Variants in ZNF804A observed in about 807,000 individuals in gnomAD.
ZNF804A encodes zinc finger protein 804A.
In ZNF804A, 2 loss-of-function variants were observed where a neutral mutation model predicts 16.5. The observed-to-expected ratio is 0.12, with a 90% CI of 0.05 to 0.38. The LOEUF is 0.38. ZNF804A is among the 10% of genes least tolerant of loss of function. ZNF804A has a pLI of 0.99. For synonymous variants in ZNF804A, 534 were observed against 489.6 expected, an observed-to-expected ratio of 1.09 and a Z score of -1.20; for missense variants, 1,473 against 1,390.7, an observed-to-expected ratio of 1.06 and a Z score of -0.94.
chr2:184,780,329 C>T (rs977880666), intron 1 of ZNF804A, among the ~76,000 whole-genome samples: 1 of 151,718 alleles, frequency 6.6e-6, no homozygotes, highest in African/African-American at 2.4e-5. Context: ...GGGTTTAATT[C>T]TTAGTGAAAC....
intron 1 of ZNF804A, among the ~76,000 whole-genome samples, chr2:184,689,913 G>A (rs1692703114): frequency 6.6e-6 from 1 of 151,900 alleles, no homozygotes; most frequent in Non-Finnish European, 1.5e-5. Flanking sequence ...CAGGCAGTTA[G>A]CCATTAGATG....
chr2:184,767,108 C>T (rs950111558), intron 1 of ZNF804A, among the ~76,000 whole-genome samples: 4 of 152,092 alleles, frequency 2.6e-5, no homozygotes, highest in Non-Finnish European at 5.9e-5. Context: ...CTTGGATTTC[C>T]GGCCTCCAAG....
intron 1 of ZNF804A, among the ~76,000 whole-genome samples, chr2:184,737,218 G>C (rs116702303): frequency 6.6e-6 from 1 of 151,388 alleles, no homozygotes; most frequent in Non-Finnish European, 1.5e-5. Context: ...CACCATGCCC[G>C]GTTAATTTTT....
intron 1 of ZNF804A, among the ~76,000 whole-genome samples, chr2:184,625,160 A>G (rs1406922827): frequency 1.3e-5 from 2 of 152,158 alleles, no homozygotes; most frequent in African/African-American, 4.8e-5. Flanking sequence ...GAGGACAAAA[A>G]TAATAATAAA....
At chr2:184,807,777 A>G (rs907702087) in intron 1 of ZNF804A, among the ~76,000 whole-genome samples, 3 of 151,726 alleles carry the variant, frequency 2.0e-5, no homozygotes, top group African/African-American at 4.8e-5. Context: ...TAAGTTTCCA[A>G]TACAGCAGTA....
chr2:184,733,748 T>C (rs139345980), intron 1 of ZNF804A, among the ~76,000 whole-genome samples: 1 of 152,294 alleles, frequency 6.6e-6, no homozygotes, highest in African/African-American at 2.4e-5. Flanking sequence ...TTTTGGCAAG[T>C]TGTGGCTTTT....
intron 1 of ZNF804A, among the ~76,000 whole-genome samples, chr2:184,776,906 G>A (rs908686668): frequency 7.9e-5 from 12 of 151,510 alleles, no homozygotes; most frequent in African/African-American, 2.9e-4. Flanking sequence ...ATGTTGAAGT[G>A]TGGGACTCAT....
At chr2:184,608,156 G>A (rs761823119) in intron 1 of ZNF804A, among the ~76,000 whole-genome samples, 284 of 151,268 alleles carry the variant, frequency 1.9e-3, no homozygotes, top group Non-Finnish European at 2.7e-3. Flanking sequence ...CGTTTTAGCC[G>A]GGATGGTCTC....
intron 1 of ZNF804A, among the ~76,000 whole-genome samples, chr2:184,673,921 A>G (rs1300669593): frequency 6.6e-6 from 1 of 152,196 alleles, no homozygotes; most frequent in Non-Finnish European, 1.5e-5. Flanking sequence ...ATTCCATTCT[A>G]AAAATCAATA....
intron 1 of ZNF804A, among the ~76,000 whole-genome samples, chr2:184,857,678 GT>G (rs1695723055): frequency 6.6e-6 from 1 of 151,872 alleles, no homozygotes; most frequent in Non-Finnish European, 1.5e-5. Context: ...TGTTTATATT[GT>G]TATAGCCTCT....
intron 1 of ZNF804A, among the ~76,000 whole-genome samples, chr2:184,628,327 AG>A (rs918869374): frequency 6.6e-6 from 1 of 152,136 alleles, no homozygotes; most frequent in African/African-American, 2.4e-5. Context: ...AAGAAAAGAA[AG>A]AAAAAAAAGG....
intron 1 of ZNF804A, among the ~76,000 whole-genome samples, chr2:184,746,185 C>G (rs1158612205): frequency 1.3e-5 from 2 of 151,252 alleles, no homozygotes; most frequent in Non-Finnish European, 3.0e-5. Context: ...TTTTGTGTTG[C>G]GAACATTTCA....
At chr2:184,852,192 A>T (rs1695614393) in intron 1 of ZNF804A, among the ~76,000 whole-genome samples, 1 of 151,342 alleles carries the variant, frequency 6.6e-6, no homozygotes, top group Admixed American at 6.6e-5. Flanking sequence ...AGTACTGATA[A>T]TATACTGAAT....
chr2:184,895,134 A>G (rs1013122125), intron 2 of ZNF804A, among the ~76,000 whole-genome samples: 1 of 152,048 alleles, frequency 6.6e-6, no homozygotes, highest in Non-Finnish European at 1.5e-5. Context: ...TATTTATAAT[A>G]CACGAAACTA....
chr2:184,681,163 ATG>A (rs1692532593), intron 1 of ZNF804A, among the ~76,000 whole-genome samples: 1 of 152,174 alleles, frequency 6.6e-6, no homozygotes. Context: ...AGTGGGTGGA[ATG>A]AGCCCAGTGG....
chr2:184,786,560 A>C (rs1378733376), intron 1 of ZNF804A, among the ~76,000 whole-genome samples: 1 of 151,988 alleles, frequency 6.6e-6, no homozygotes, highest in African/African-American at 2.4e-5. Context: ...TGAAATTAGA[A>C]GGGCCAGGTT....
intron 1 of ZNF804A, among the ~76,000 whole-genome samples, chr2:184,754,799 A>C (rs2105760378): frequency 6.6e-6 from 1 of 151,670 alleles, no homozygotes; most frequent in Non-Finnish European, 1.5e-5. Flanking sequence ...TATTTCCTTT[A>C]GTGTAATCAT....
At chr2:184,933,761 T>C (rs1225710332) in intron 3 of ZNF804A, 28 bp downstream of exon 3, 11 of 1,585,934 alleles carry the variant, frequency 6.9e-6, no homozygotes, top group East Asian at 4.5e-5. Flanking sequence ...TTGTAAGTTT[T>C]CTTAAAACAT....
At chr2:184,603,419 G>A (rs1691081754) in intron 1 of ZNF804A, among the ~76,000 whole-genome samples, 2 of 152,164 alleles carry the variant, frequency 1.3e-5, no homozygotes. Flanking sequence ...TGTGTATATA[G>A]GAACACACTA....
Sources: allele counts gnomAD v4.1 joint callset (sites outside exome capture counted in the v4.1 genomes callset), GRCh38; gene constraint gnomAD v4.1.1; transcripts MANE v1.5; gene names NCBI Gene and HGNC (gene_info 2026-07-23, HGNC 2026-07-21).